TSC2: variants seen among roughly 807,000 people sequenced by gnomAD.
The protein encoded by TSC2 is TSC complex subunit 2, also known as tuberin.
A neutral mutation model predicts 202.2 loss-of-function variants in TSC2; 29 were observed. The observed-to-expected ratio is 0.14, with a 90% CI of 0.11 to 0.20. TSC2 has a LOEUF of 0.20. Among genes scored for constraint, TSC2 ranks in the 10% least tolerant of loss-of-function variants. The pLI is 1.00. For synonymous variants in TSC2, 1,349 were observed against 1,044.0 expected (o/e 1.29, Z -5.63); for missense variants, 2,429 against 2,420.0 (o/e 1.00, Z -0.08).
rs201633455 is a variant in TSC2 at position 2,071,780 on chromosome 16, G to C, written c.1947-4G>C. The C allele has an allele frequency of 5.0e-6, 8 of 1,605,950 alleles. No individual in the cohort carries two copies. The African/African-American group carries it at 9.4e-5, about 19-fold the overall frequency. On this transcript the variant is annotated splice_polypyrimidine_tract_variant and splice_region_variant and intron_variant, in intron 18 of 41. Coordinates refer to ENST00000219476, the MANE Select transcript of TSC2 (RefSeq NM_000548.5). ...GGCCTCAGCTGCTTCTCTTGCTTCTGCAGGGAGCCAGAGAGAGGCTCTGAG... is the reference window on the plus strand; with the variant it reads ...GGCCTCAGCTGCTTCTCTTGCTTCTCCAGGGAGCCAGAGAGAGGCTCTGAG...
At chr16:2,087,988 G>A (rs2091069754) in intron 39 of TSC2, 47 bp downstream of exon 39, 4 of 1,612,114 alleles carry the variant, frequency 2.5e-6, no homozygotes, top group Non-Finnish European at 3.4e-6. Flanking sequence ...AGGGCCGGGT[G>A]GGGCCCTGCA....
In TSC2 at chr16:2,077,637, C is replaced by T. The variant is rs147523833; in HGVS notation, c.2877C>T (p.Asn959=). Residue 959 remains asparagine (N), a synonymous_variant, in exon 26 of 42, where the codon AAC becomes AAT. Transcript: ENST00000219476. ...GACCCCCCAAACAAGGCTTGAATAA[C>T]TCTCCACCCGTGAAAGAATTCAAGG... is the stretch of plus-strand genomic sequence containing the variant. ...IARPPKQGLN[N]SPPVKEFKES... 3.7e-6 allele frequency: 6 copies of T among 1,613,140 alleles called. No individual in the cohort carries two copies. Among genetic ancestry groups the T allele is most frequent in the Non-Finnish European group, 5.1e-6 (6 of 1,180,016 alleles).
chr16:2,088,255 C>T lies in TSC2; in HGVS notation c.5189C>T (p.Ser1730Phe), dbSNP rs2091134565. 2.5e-6 allele frequency: 4 copies of T among 1,608,168 alleles called. No homozygotes were observed. The highest frequency in any genetic ancestry group is 1.1e-5 in the South Asian group (1 of 90,932). Residue 1730 changes from serine to phenylalanine, a missense_variant, in exon 41 of 42, where the codon TCC (serine) becomes TTC (phenylalanine). Physicochemically the swap from Ser to Phe is radical, Grantham distance 155 (BLOSUM62 -2). Transcript: ENST00000219476. ...NMASQVHHSR[S>F]NPTDIYPSKW... ...GCCTCACAGGTGCATCATAGCCGCT[C>T]CAACCCCACCGATATCTACCCCTCC...
intron 38 of TSC2, 85 bp downstream of exon 38, chr16:2,086,956 A>G: frequency 6.5e-7 from 1 of 1,536,302 alleles, no homozygotes. Context: ...CTCCTCCCTG[A>G]GCTTCGGTCA....
Position 2,048,703 on chromosome 16 carries a change from T to C in TSC2, c.88T>C (p.Ser30Pro). Reference sequence around the variant, plus strand: ...GGGAACACCGAGGCCAAATCCCAGGTCTGCAGAGGGTAAACAGACGGAGTT... The same window carrying C: ...GGGAACACCGAGGCCAAATCCCAGGCCTGCAGAGGGTAAACAGACGGAGTT... ...GLGTPRPNPR[S>P]AEGKQTEFII... Residue 30 changes from serine (S) to proline (P), a missense_variant, in exon 2 of 42, where the codon TCT becomes CCT. By Grantham distance (74) the Ser-to-Pro change is moderately conservative. Coordinates refer to ENST00000219476, the MANE Select transcript of TSC2 (RefSeq NM_000548.5). The C allele has an allele frequency of 6.2e-7, 1 of 1,613,948 alleles. No individual in the cohort carries two copies. Among genetic ancestry groups the C allele is most frequent in the African/African-American group, 1.3e-5 (1 of 74,992 alleles).
intron 26 of TSC2, 95 bp downstream of exon 26, chr16:2,077,821 G>A (rs564930180): frequency 5.1e-6 from 8 of 1,579,722 alleles, no homozygotes; most frequent in African/African-American, 4.2e-5. Flanking sequence ...TGACCTCATC[G>A]TCTGCCCGTG....
chr16:2,049,582 T>C (rs557061211), intron 2 of TSC2, among the ~76,000 whole-genome samples: 61 of 151,236 alleles, frequency 4.0e-4, no homozygotes, highest in African/African-American at 1.2e-3. Context: ...CCCAGCACTT[T>C]GGGAGGCCGA....
At position 2,072,560 on chromosome 16, in the gene TSC2, T is replaced by C. The variant is rs569845759; in HGVS notation, c.2220+197T>C. The C allele has an allele frequency of 1.6e-3, 1,463 of 906,318 alleles. 3 individuals are homozygous for C. The highest frequency in any genetic ancestry group is 2.1e-3 in the Non-Finnish European group (1,296 of 612,674). 56.1% of individuals were successfully genotyped at this position (906,318 alleles called of 1,614,324 possible). ...TGCCCCAGCTCGCAGCTTTTGGGAC[T>C]GACGTCAGAGGTCCCCAGCCAAGGG... On this transcript the variant is annotated intron_variant, in intron 20 of 41. Transcript: ENST00000219476.
At chr16:2,086,493 C>T in intron 37 of TSC2, 114 bp downstream of exon 37, 37 of 1,463,676 alleles carry the variant, frequency 2.5e-5, no homozygotes, top group Non-Finnish European at 3.4e-5. Context: ...CCTGCTCCAG[C>T]TCCCCACGCC....
chr16:2,063,728 G>A (rs2086922134), intron 14 of TSC2: 1 of 235,544 alleles, frequency 4.2e-6, no homozygotes, highest in Non-Finnish European at 8.4e-6. Flanking sequence ...GGAGCTAAGG[G>A]CCTCCTGGAA....
rs758521946 is a variant in TSC2 at position 2,055,413 on chromosome 16, C to T, written c.493C>T (p.Leu165=). ...CGCTTCTCCCCCAGCTGACTTTGTC[C>T]TGCAGTGGATGGATGTTGGCTTGTC... ...YLEEELADFV[L]QWMDVGLSSE... The change falls in exon 6 of 42, where the codon CTG becomes TTG. Residue 165 remains leucine (L), a synonymous_variant. Coordinates refer to ENST00000219476, the MANE Select transcript of TSC2 (RefSeq NM_000548.5). 2.1e-5 allele frequency: 34 copies of T among 1,614,048 alleles called. No homozygotes were observed. Among genetic ancestry groups the T allele is most frequent in the Non-Finnish European group, 2.9e-5 (34 of 1,180,026 alleles).
Position 2,082,487 on chromosome 16 carries a change from G to A in TSC2, c.3866G>A (p.Arg1289Lys), listed in dbSNP as rs900604900. The change falls in exon 32 of 42, where the codon AGG becomes AAG. Residue 1289 changes from arginine to lysine, a missense_variant. Physicochemically the swap from Arg to Lys is conservative, Grantham distance 26. Coordinates refer to ENST00000219476, the MANE Select transcript of TSC2 (RefSeq NM_000548.5). Reference sequence around the variant, plus strand: ...TCCAGCTGCCAAGGACAGCTGCACAGGAGCGTTTCCTGGGCAGGTATCGCC... The same window carrying A: ...TCCAGCTGCCAAGGACAGCTGCACAAGAGCGTTTCCTGGGCAGGTATCGCC... ...YQSSCQGQLH[R>K]SVSWADSAVV... 2.5e-6 allele frequency: 4 copies of A among 1,612,030 alleles called. No homozygotes were observed. Among genetic ancestry groups the A allele is most frequent in the Admixed American group, 1.7e-5 (1 of 60,010 alleles).
chr16:2,071,640 C>G (rs1039610783), intron 18 of TSC2, 24 bp downstream of exon 18: 1 of 1,612,636 alleles, frequency 6.2e-7, no homozygotes, highest in Non-Finnish European at 8.5e-7. Context: ...CGCCCACGGC[C>G]CATGAGGCTC....
chr16:2,083,485 T>C, intron 32 of TSC2: 1 of 809,120 alleles, frequency 1.2e-6, no homozygotes, highest in South Asian at 1.5e-5. Flanking sequence ...CCCCGGGCAC[T>C]CATGCAGGAG....
In TSC2 at chr16:2,064,367, G is replaced by A; in HGVS notation, c.1539G>A (p.Val513=). The part of the protein sequence containing the change: ...QVRKLATQLL[V]DLAEGCHTHH... ...GAAAGCTGGCCACCCAGTTGCTGGT[G>A]GACCTGGCAGAGGGCTGCCACACAC... is the stretch of plus-strand genomic sequence containing the variant. Residue 513 remains valine, a synonymous_variant, in exon 15 of 42, where the codon GTG becomes GTA. Transcript: ENST00000219476. 1 of 1,613,776 alleles carries A rather than the reference G, an allele frequency of 6.2e-7. No homozygotes were observed. The highest frequency in any genetic ancestry group is 1.1e-5 in the South Asian group (1 of 91,084).
rs2091240631 is a variant in TSC2 at position 2,088,696 on chromosome 16, T to TA, written c.*87dup. On this transcript the variant is annotated 3_prime_UTR_variant, in exon 42 of 42. Coordinates refer to ENST00000219476, the MANE Select transcript of TSC2 (RefSeq NM_000548.5). The stretch of plus-strand genomic sequence containing the variant: ...AAGTCCTGACCCCAGTGCACAGACA[T>TA]AGAGGCACAGATTGCAGTCAGACAG... 6.0e-6 allele frequency: 9 copies of TA among 1,490,380 alleles called. No homozygotes were observed. In the South Asian group the frequency reaches 1.1e-4, roughly 18 times the overall value. The allele number at this position is 1,490,380 out of a possible 1,614,324, so 92.3% of individuals were successfully genotyped here.
intron 22 of TSC2, 148 bp downstream of exon 22, chr16:2,074,537 C>A: frequency 1.0e-6 from 1 of 978,646 alleles, no homozygotes; most frequent in Non-Finnish European, 1.6e-6. Flanking sequence ...CTCTGCCCGG[C>A]TGCCATGAGT....
chr16:2,082,520 G>C lies in TSC2; in HGVS notation c.3883+16G>C. The C allele has an allele frequency of 1.2e-6, 2 of 1,609,986 alleles. No homozygotes were observed. The highest frequency in any genetic ancestry group is 1.7e-6 in the Non-Finnish European group (2 of 1,179,942). ...TCCTGGGCAGGTATCGCCTCTCAGA[G>C]GGAAGCGGTTGGCTGCAGAGCGCCA... On this transcript the variant is annotated intron_variant, in intron 32 of 41. Coordinates refer to ENST00000219476, the MANE Select transcript of TSC2 (RefSeq NM_000548.5).
At position 2,088,314 on chromosome 16, in the gene TSC2, C is replaced by T. The variant is rs45459299; in HGVS notation, c.5248C>T (p.Leu1750Phe). 2 of 1,612,740 alleles carry T rather than the reference C, an allele frequency of 1.2e-6. No individual in the cohort carries two copies. Among genetic ancestry groups the T allele is most frequent in the East Asian group, 2.2e-5 (1 of 44,886 alleles). Reference sequence around the variant, plus strand: ...TGCCCGGCTCCGCCACATCAAGCGGCTCCGCCAGCGGGTAGGGAATATGGG... The same window carrying T: ...TGCCCGGCTCCGCCACATCAAGCGGTTCCGCCAGCGGGTAGGGAATATGGG... The part of the protein sequence containing the change: ...WIARLRHIKR[L>F]RQRICEEAAY... Residue 1750 changes from leucine to phenylalanine, a missense_variant, in exon 41 of 42, where the codon CTC (leucine) becomes TTC (phenylalanine). Leu to Phe is a conservative substitution (Grantham distance 22). Transcript: ENST00000219476.
Sources: allele counts gnomAD v4.1 joint callset (sites outside exome capture counted in the v4.1 genomes callset), GRCh38; gene constraint gnomAD v4.1.1; transcripts MANE v1.5; gene names NCBI Gene and HGNC (gene_info 2026-07-23, HGNC 2026-07-21).